SAP130: variants seen among roughly 807,000 people sequenced by gnomAD.
SAP130 encodes Sin3A associated protein 130, also known as histone deacetylase complex subunit SAP130.
A neutral mutation model predicts 103.2 loss-of-function variants in SAP130; 16 were observed. The observed-to-expected ratio is 0.16, with a 90% confidence interval of 0.10 to 0.24. SAP130 has a LOEUF of 0.24. Ranked by LOEUF, SAP130 falls within the 10% of genes least tolerant of loss-of-function variation. The probability of loss-of-function intolerance (pLI) is 1.00; values close to 1 mark genes in which losing one functional copy is unlikely to be tolerated. For synonymous variants in SAP130, 477 were observed against 497.0 expected (o/e 0.96, Z 0.53); for missense variants, 990 against 1,359.7 (o/e 0.73, Z 4.28).
At chr2:127,994,691 G>A (rs532563841) in intron 11 of SAP130, among the ~76,000 whole-genome samples, 1 of 152,260 alleles carries the variant, frequency 6.6e-6, no homozygotes, top group East Asian at 1.9e-4. Context: ...CCCGGAAGTC[G>A]AGGCTGCAGT....
chr2:127,999,380 G>A (rs1181675114), intron 10 of SAP130, among the ~76,000 whole-genome samples: 1 of 152,112 alleles, frequency 6.6e-6, no homozygotes, highest in Non-Finnish European at 1.5e-5. Flanking sequence ...GGGAGGCCGA[G>A]GCGGGCAGAT....
intron 7 of SAP130, among the ~76,000 whole-genome samples, chr2:128,008,898 T>A (rs1426726184): frequency 4.6e-5 from 7 of 152,114 alleles, no homozygotes; most frequent in African/African-American, 1.7e-4. Context: ...TTGCCCAGGC[T>A]GGTCTCAAAC....
At chr2:127,960,130 G>C (rs1041910922) in intron 15 of SAP130, among the ~76,000 whole-genome samples, 3 of 152,338 alleles carry the variant, frequency 2.0e-5, no homozygotes, top group Non-Finnish European at 2.9e-5. Context: ...ACAGACTGAA[G>C]AGTGTGGATA....
intron 15 of SAP130, among the ~76,000 whole-genome samples, chr2:127,967,422 C>T (rs763217860): frequency 6.6e-6 from 1 of 152,142 alleles, no homozygotes; most frequent in Non-Finnish European, 1.5e-5. Context: ...TTTTTTGAGA[C>T]GGAGTCTCGC....
chr2:127,963,687 C>T (rs988290290), intron 15 of SAP130, among the ~76,000 whole-genome samples: 2 of 152,124 alleles, frequency 1.3e-5, no homozygotes, highest in African/African-American at 2.4e-5. Context: ...GACTGAATCA[C>T]GGGGGCGGGT....
intron 19 of SAP130, among the ~76,000 whole-genome samples, chr2:127,944,730 C>CA (rs1187574960): frequency 3.3e-5 from 5 of 151,702 alleles, no homozygotes; most frequent in African/African-American, 1.2e-4. Context: ...CTGGCCTCTA[C>CA]AAAAAATTTT....
chr2:127,953,409 G>A lies in SAP130; in HGVS notation c.2422+1577C>T, dbSNP rs370492430. Among the ~76,000 whole-genome samples the A allele has an allele frequency of 3.9e-5, 6 of 152,330 alleles. No homozygotes were observed. The East Asian group carries it at 9.6e-4, about 24-fold the overall frequency. ...CCCCGATTCCATCCCTGTTCCCAGA[G>A]TCTGTTCTTTCCCCAGCAGCCAGAG... On this transcript the variant is annotated intron_variant, in intron 16 of 20. Transcript: ENST00000643581. The surrounding 1 kb of genome is among the most constrained non-coding windows in gnomAD (Gnocchi z 4.0).
At position 128,027,985 on chromosome 2, in the gene SAP130, CCG is replaced by C. The variant is rs1482338073; in HGVS notation, c.-54_-53del. On this transcript the variant is annotated 5_prime_UTR_variant, in exon 1 of 21. Transcript: ENST00000643581. ...CCGCCGCGCCGCCTTGAGCTCGCTCCCGCGCGCTCTCCGTCTGTGGGGCCGAC... is the reference window on the plus strand; with the variant it reads ...CCGCCGCGCCGCCTTGAGCTCGCTCCCGCGCTCTCCGTCTGTGGGGCCGAC... 1 of 985,704 alleles carries C rather than the reference CCG, an allele frequency of 1.0e-6. No homozygotes were observed. The highest frequency in any genetic ancestry group is 1.7e-5 in the African/African-American group (1 of 57,256). 61.1% of individuals were successfully genotyped at this position (985,704 alleles called of 1,614,324 possible). A position where few individuals can be genotyped will look rare whatever the true frequency, so the allele number is the denominator to read the frequency against.
intron 15 of SAP130, among the ~76,000 whole-genome samples, chr2:127,975,034 T>C (rs1357529191): frequency 6.6e-6 from 1 of 152,168 alleles, no homozygotes; most frequent in Non-Finnish European, 1.5e-5. Flanking sequence ...CCTAGGGATG[T>C]ATCTCTCAGA....
rs79381095 is a variant in SAP130 at position 127,957,366 on chromosome 2, A to G, written c.2064-2022T>C. On this transcript the variant is annotated intron_variant, in intron 15 of 20. Transcript: ENST00000643581. ...GAAAAAACACTAGAGTCTGAACTGTATATTTGAATAGGCATAAGAAAGAAC... is the reference window on the plus strand; with the variant it reads ...GAAAAAACACTAGAGTCTGAACTGTGTATTTGAATAGGCATAAGAAAGAAC... 2.4e-3 allele frequency among the ~76,000 whole-genome samples: 371 copies of G among 152,348 alleles called. 5 individuals are homozygous for G. The East Asian group carries it at 0.057, about 24-fold the overall frequency.
chr2:127,952,973 T>C (rs1573635723), intron 16 of SAP130, among the ~76,000 whole-genome samples: 1 of 152,176 alleles, frequency 6.6e-6, no homozygotes, highest in Non-Finnish European at 1.5e-5. Flanking sequence ...AATTTATATA[T>C]ATAATGACAA....
At chr2:127,947,049 T>C (rs1679136077) in intron 18 of SAP130, among the ~76,000 whole-genome samples, 1 of 143,748 alleles carries the variant, frequency 7.0e-6, no homozygotes, top group African/African-American at 2.6e-5. Flanking sequence ...GAAAGGAGGA[T>C]GGGAGAGGCA....
intron 7 of SAP130, among the ~76,000 whole-genome samples, chr2:128,009,614 T>C (rs1684236640): frequency 6.6e-6 from 1 of 152,216 alleles, no homozygotes; most frequent in Non-Finnish European, 1.5e-5. Context: ...GCAACCAGGC[T>C]GAACCAACTG....
intron 10 of SAP130, among the ~76,000 whole-genome samples, chr2:127,999,396 G>A (rs1184521896): frequency 3.9e-5 from 6 of 152,048 alleles, no homozygotes; most frequent in Non-Finnish European, 8.8e-5. Context: ...CAGATCATGA[G>A]GTCAAGACCA....
At chr2:128,012,409 G>GC (rs760873214) in intron 6 of SAP130, among the ~76,000 whole-genome samples, 37 of 152,144 alleles carry the variant, frequency 2.4e-4, no homozygotes, top group Non-Finnish European at 4.9e-4. Flanking sequence ...AGCAGAGGTT[G>GC]CAGTGAGCTG....
chr2:127,995,768 C>G (rs946643676), intron 11 of SAP130, among the ~76,000 whole-genome samples: 9 of 152,142 alleles, frequency 5.9e-5, no homozygotes, highest in African/African-American at 2.2e-4. Context: ...AAAAAACCAG[C>G]AAACATCACC....
At chr2:127,975,853 T>C (rs1681423258) in intron 15 of SAP130, among the ~76,000 whole-genome samples, 1 of 152,152 alleles carries the variant, frequency 6.6e-6, no homozygotes, top group African/African-American at 2.4e-5. Context: ...TCACATTTAA[T>C]GAAGTCTTGG....
Position 128,018,336 on chromosome 2 carries a change from CCAA to C in SAP130, c.113-424_113-422del, listed in dbSNP as rs1468121469. ...TACAAAAAAAAAAAAAAAAAACAAA[CCAA>C]AAACCAAAAACCACGTTTTTTTGTA... On this transcript the variant is annotated intron_variant, in intron 2 of 20. Coordinates refer to ENST00000643581, the MANE Select transcript of SAP130 (RefSeq NM_001330301.2). Among the ~76,000 whole-genome samples the C allele has an allele frequency of 2.4e-3, 313 of 131,928 alleles. 1 individual carries two copies. Among genetic ancestry groups the C allele is most frequent in the African/African-American group, 8.6e-3 (293 of 34,252 alleles). The allele number at this position is 131,928 out of a possible 152,430, so 86.5% of individuals were successfully genotyped here.
At chr2:128,000,174 A>G (rs750721332) in intron 8 of SAP130, 28 bp from the exon 9 acceptor site, 24 of 1,611,846 alleles carry the variant, frequency 1.5e-5, no homozygotes, top group African/African-American at 2.7e-5. Context: ...CAACACAGTT[A>G]TAAGAACATT....
Sources: gnomAD v4.1 joint callset for allele counts (sites outside exome capture counted in the v4.1 genomes callset) on GRCh38, gnomAD v4.1.1 for gene constraint, Gnocchi (gnomAD v3.1) non-coding constraint, MANE v1.5 for transcripts, NCBI Gene and HGNC (gene_info 2026-07-23, HGNC 2026-07-21) for gene names.